Variants in THEMIS observed in about 807,000 individuals in gnomAD.
THEMIS encodes the protein thymocyte selection associated.
A neutral mutation model predicts 52.6 loss-of-function variants in THEMIS; 37 were observed. The observed-to-expected ratio is 0.70, with a 90% CI of 0.54 to 0.93. The LOEUF is 0.93. Among genes scored for constraint, THEMIS ranks in the 40% least tolerant of loss-of-function variants. The pLI is 0.00. For synonymous variants in THEMIS, 292 were observed against 272.7 expected, an observed-to-expected ratio of 1.07 and a Z score of -0.70; for missense variants, 808 against 763.1, an observed-to-expected ratio of 1.06 and a Z score of -0.69.
chr6:127,705,080 G>C (rs1443949759), downstream of THEMIS, among the ~76,000 whole-genome samples: 1 of 152,138 alleles, frequency 6.6e-6, no homozygotes, highest in Admixed American at 6.5e-5. Context: ...TAAACTCCTT[G>C]GCAAGTGGCT....
intron 1 of THEMIS, among the ~76,000 whole-genome samples, chr6:127,908,230 A>G (rs1456245490): frequency 6.6e-6 from 1 of 152,082 alleles, no homozygotes; most frequent in Non-Finnish European, 1.5e-5. Context: ...CTCTTCCTCT[A>G]TGCTTGTCAT....
intron 4 of THEMIS, among the ~76,000 whole-genome samples, chr6:127,785,044 CT>C (rs1776889744): frequency 6.6e-6 from 1 of 151,116 alleles, no homozygotes; most frequent in Non-Finnish European, 1.5e-5. Flanking sequence ...ATCTTTCTAC[CT>C]ACCTACCTAC....
chr6:127,859,543 T>C (rs891585497), intron 1 of THEMIS, among the ~76,000 whole-genome samples: 3 of 152,158 alleles, frequency 2.0e-5, no homozygotes, highest in African/African-American at 7.2e-5. Flanking sequence ...TTTTGTGTCA[T>C]TGTAAAATGA....
chr6:127,898,938 A>C (rs1201734469), intron 1 of THEMIS, among the ~76,000 whole-genome samples: 3 of 151,884 alleles, frequency 2.0e-5, no homozygotes, highest in Admixed American at 6.6e-5. Flanking sequence ...GGAGATAGAG[A>C]GTAGAATGAT....
At chr6:127,884,770 T>C (rs1244497702) in intron 1 of THEMIS, among the ~76,000 whole-genome samples, 1 of 152,210 alleles carries the variant, frequency 6.6e-6, no homozygotes, top group East Asian at 1.9e-4. Context: ...CATAATTCTG[T>C]AGACCAGAAG....
chr6:127,719,822 C>G lies in THEMIS; in HGVS notation c.1760G>C (p.Arg587Pro). ...RTVDLPKSPK[R>P]HHVDITKKLH... is the part of the protein sequence containing the mutation. The stretch of plus-strand genomic sequence containing the variant: ...TTTCTTGGTTATGTCTACGTGATGA[C>G]GCTGAAATGACACAGGTCACAAGTA... The change falls in exon 5 of 6, where the codon CGT becomes CCT. Residue 587 changes from arginine to proline, a missense_variant and splice_region_variant. Arg to Pro is a moderately radical substitution (Grantham distance 103). Coordinates refer to ENST00000368248, the MANE Select transcript of THEMIS (RefSeq NM_001010923.3). 1.2e-6 allele frequency: 2 copies of G among 1,611,006 alleles called. No individual in the cohort carries two copies. The highest frequency in any genetic ancestry group is 1.1e-5 in the South Asian group (1 of 90,698).
At chr6:127,800,122 T>C (rs781769240) in intron 4 of THEMIS, among the ~76,000 whole-genome samples, 4 of 152,166 alleles carry the variant, frequency 2.6e-5, no homozygotes, top group South Asian at 4.1e-4. Context: ...ATCTGTAAAA[T>C]TGGGATAATA....
At chr6:127,900,267 C>G (rs997758241) in intron 1 of THEMIS, among the ~76,000 whole-genome samples, 5 of 151,838 alleles carry the variant, frequency 3.3e-5, no homozygotes, top group Non-Finnish European at 5.9e-5. Flanking sequence ...TAATTGAACT[C>G]TGAGTTTCAA....
intron 1 of THEMIS, among the ~76,000 whole-genome samples, chr6:127,906,936 G>A (rs1164605985): frequency 6.7e-6 from 1 of 149,942 alleles, no homozygotes; most frequent in African/African-American, 2.5e-5. Flanking sequence ...AAGTAGAACT[G>A]TCTGAATGTT....
At chr6:127,880,087 G>A (rs9388598) in intron 1 of THEMIS, among the ~76,000 whole-genome samples, 15,833 of 152,048 alleles carry the variant, frequency 0.1, 1,265 homozygotes, top group East Asian at 0.37. Flanking sequence ...ATTATATTAT[G>A]TATCTTTTCT....
At chr6:127,770,414 A>G (rs542553838) in intron 4 of THEMIS, among the ~76,000 whole-genome samples, 2 of 152,314 alleles carry the variant, frequency 1.3e-5, no homozygotes, top group African/African-American at 2.4e-5. Context: ...GGTTGCATAA[A>G]TGTCTTCTTC....
intron 1 of THEMIS, among the ~76,000 whole-genome samples, chr6:127,912,208 C>A (rs1781428595): frequency 6.6e-6 from 1 of 152,122 alleles, no homozygotes; most frequent in African/African-American, 2.4e-5. Context: ...TGCATGAGAC[C>A]TGTAACCCCT....
rs11754452 is a variant in THEMIS at position 127,917,602 on chromosome 6, T to C, written c.-150+826A>G. Among the ~76,000 whole-genome samples the C allele has an allele frequency of 5.1e-3, 779 of 152,326 alleles. 6 individuals carry two copies. Among genetic ancestry groups the C allele is most frequent in the Middle Eastern group, 0.02 (6 of 294 alleles). ...TCTGCCCAGCTCCTAGTCATGAGAA[T>C]TCTCCTTCTCTTGGAGTAATCAGCA... is the stretch of plus-strand genomic sequence containing the variant. On this transcript the variant is annotated intron_variant, in intron 1 of 6. Transcript: ENST00000368250.
chr6:127,891,575 G>A (rs372222905), intron 1 of THEMIS, among the ~76,000 whole-genome samples: 98 of 147,278 alleles, frequency 6.7e-4, no homozygotes, highest in African/African-American at 2.3e-3. Context: ...CAAAGAAAAA[G>A]AAAGTCCTGA....
intron 1 of THEMIS, among the ~76,000 whole-genome samples, chr6:127,871,002 C>T (rs548710634): frequency 6.6e-6 from 1 of 152,214 alleles, no homozygotes; most frequent in African/African-American, 2.4e-5. Flanking sequence ...TCAAATCTTC[C>T]TTTATAGAAC....
chr6:127,700,546 G>A, the THEMIS span, among the ~76,000 whole-genome samples: 1 of 151,960 alleles, frequency 6.6e-6, no homozygotes, highest in African/African-American at 2.4e-5. Flanking sequence ...TTAACAAAAT[G>A]ATTTGGGACA....
At chr6:127,880,468 C>A (rs190816109) in intron 1 of THEMIS, among the ~76,000 whole-genome samples, 77 of 147,938 alleles carry the variant, frequency 5.2e-4, no homozygotes, top group Admixed American at 1.0e-3. Flanking sequence ...TGCTAATGAA[C>A]AGTTATTTCT....
At chr6:127,786,776 G>T (rs539830955) in intron 4 of THEMIS, among the ~76,000 whole-genome samples, 153 of 152,228 alleles carry the variant, frequency 1.0e-3, no homozygotes, top group African/African-American at 3.4e-3. Context: ...CAGAACTCTA[G>T]AAATTAACGA....
intron 1 of THEMIS, among the ~76,000 whole-genome samples, chr6:127,911,303 T>G (rs1319612501): frequency 6.6e-6 from 1 of 151,212 alleles, no homozygotes; most frequent in Non-Finnish European, 1.5e-5. Context: ...AATATCTACG[T>G]AAATAATTTG....
Sources: allele counts gnomAD v4.1 joint callset (sites outside exome capture counted in the v4.1 genomes callset), GRCh38; gene constraint gnomAD v4.1.1; transcripts MANE v1.5; gene names NCBI Gene and HGNC (gene_info 2026-07-23, HGNC 2026-07-21).